PLCH1: variants seen among roughly 807,000 people sequenced by gnomAD.
PLCH1 encodes 1-phosphatidylinositol 4,5-bisphosphate phosphodiesterase eta-1.
PLCH1 carries 60 observed loss-of-function variants against 126.7 expected under a neutral mutation model. The ratio of observed to expected loss-of-function variants is 0.47; its 90% CI spans 0.38 to 0.59. The LOEUF (loss-of-function observed/expected upper bound fraction) is 0.59, where lower values mean the gene tolerates loss of function less well. PLCH1 is among the 20% of genes least tolerant of loss of function. The pLI, the probability that PLCH1 is intolerant of heterozygous loss-of-function variation, is 0.00. For synonymous variants in PLCH1, 719 were observed against 734.9 expected (o/e 0.98, Z 0.35); for missense variants, 1,723 against 2,040.0 (o/e 0.84, Z 2.99).
chr3:155,593,610 A>G (rs768500010), intron 4 of PLCH1, among the ~76,000 whole-genome samples: 48 of 152,202 alleles, frequency 3.2e-4, no homozygotes, highest in Non-Finnish European at 5.6e-4. Flanking sequence ...GAATATGCCT[A>G]TGATTTAAAA....
intron 1 of PLCH1, among the ~76,000 whole-genome samples, chr3:155,722,001 C>T (rs13078716): frequency 3.3e-5 from 5 of 151,958 alleles, no homozygotes; most frequent in African/African-American, 4.8e-5. Flanking sequence ...GAGCCGAGAT[C>T]GTGGCACTGC....
rs762573834 is a variant in PLCH1 at position 155,465,183 on chromosome 3, C to T, written c.2938+20173G>A. Among the ~76,000 whole-genome samples, 4 of 151,756 alleles carry T rather than the reference C, an allele frequency of 2.6e-5. No individual in the cohort carries two copies. In the South Asian group the frequency reaches 6.3e-4, roughly 24 times the overall value. On this transcript the variant is annotated intron_variant, in intron 21 of 21. Coordinates refer to the PLCH1 transcript ENST00000494598. ...TTGGTCTGATAAACCACCACTTTGT[C>T]CCAGTCATTTATCTTATGACTAGAT...
chr3:155,553,142 TCTCA>T (rs1383124523), intron 9 of PLCH1, among the ~76,000 whole-genome samples: 2 of 151,936 alleles, frequency 1.3e-5, no homozygotes, highest in Admixed American at 6.6e-5. Flanking sequence ...TGAGATGGAG[TCTCA>T]CTCTGTCACC....
intron 21 of PLCH1, among the ~76,000 whole-genome samples, chr3:155,470,256 G>T (rs1465843463): frequency 6.6e-6 from 1 of 152,176 alleles, no homozygotes. Flanking sequence ...TGAAAACCAA[G>T]GCTCGAGAAC....
chr3:155,699,822 T>TTGACCATTCACACA (rs1746125063), intron 2 of PLCH1, among the ~76,000 whole-genome samples: 1 of 147,680 alleles, frequency 6.8e-6, no homozygotes, highest in South Asian at 2.2e-4. Context: ...CTGTGACCAT[T>TTGACCATTCACACA]CACACACACA....
chr3:155,562,802 C>A (rs1482706945), intron 8 of PLCH1, among the ~76,000 whole-genome samples: 1 of 152,136 alleles, frequency 6.6e-6, no homozygotes, highest in Non-Finnish European at 1.5e-5. Flanking sequence ...CTCTTGTCCC[C>A]TTTATTCCAC....
intron 2 of PLCH1, among the ~76,000 whole-genome samples, chr3:155,661,858 T>C (rs1577268073): frequency 6.6e-6 from 1 of 152,216 alleles, no homozygotes; most frequent in East Asian, 1.9e-4. Flanking sequence ...TTAGTTTTCT[T>C]TTCTAAAGCT....
At chr3:155,630,861 C>G (rs928243758) in intron 2 of PLCH1, among the ~76,000 whole-genome samples, 54 of 151,980 alleles carry the variant, frequency 3.6e-4, no homozygotes, top group Non-Finnish European at 2.9e-4. Flanking sequence ...AAACTAGTAC[C>G]TAATATCCTA....
intron 1 of PLCH1, among the ~76,000 whole-genome samples, chr3:155,733,659 T>C (rs1748935062): frequency 1.3e-5 from 2 of 151,660 alleles, no homozygotes; most frequent in Admixed American, 6.6e-5. Flanking sequence ...CTCTGAGCAA[T>C]GATTTTTTGG....
At chr3:155,494,007 T>C (rs1423982766) in intron 17 of PLCH1, 134 bp downstream of exon 17, 1 of 653,418 alleles carries the variant, frequency 1.5e-6, no homozygotes, top group Non-Finnish European at 2.7e-6. Flanking sequence ...CCTTAACCTA[T>C]CTTTTTGAAA....
rs547450028 is a variant in PLCH1 at position 155,483,236 on chromosome 3, T to C, written c.2975-185A>G. On this transcript the variant is annotated intron_variant, in intron 22 of 22. Coordinates refer to ENST00000460012, the MANE Select transcript of PLCH1 (RefSeq NM_014996.4). Reference sequence around the variant, plus strand: ...TGATGAATAAATGGTAAAATATATTTATAGGAATTTCACTGGAGCTTCCCT... The same window carrying C: ...TGATGAATAAATGGTAAAATATATTCATAGGAATTTCACTGGAGCTTCCCT... 238 of 892,708 alleles carry C rather than the reference T, an allele frequency of 2.7e-4. No individual in the cohort carries two copies. In the East Asian group the frequency reaches 4.9e-3, roughly 19 times the overall value. The allele number at this position is 892,708 out of a possible 1,614,324, so 55.3% of individuals were successfully genotyped here.
chr3:155,488,167 G>A, intron 20 of PLCH1, 60 bp from the exon 21 acceptor site: 1 of 996,202 alleles, frequency 1.0e-6, no homozygotes, highest in South Asian at 1.3e-5. Context: ...CTTTCTCATG[G>A]GTGCAACAAA....
At chr3:155,743,402 G>A (rs1289378456) in intron 1 of PLCH1, 1 of 383,436 alleles carries the variant, frequency 2.6e-6, no homozygotes, top group East Asian at 7.5e-5. Context: ...CGTGGTGGCG[G>A]GAGCCTGTAA....
At chr3:155,476,706 C>T (rs1560035432), downstream of PLCH1, among the ~76,000 whole-genome samples, 1 of 150,964 alleles carries the variant, frequency 6.6e-6, no homozygotes, top group Non-Finnish European at 1.5e-5. Flanking sequence ...ACATATTAAG[C>T]TCTCTATAAT....
intron 2 of PLCH1, among the ~76,000 whole-genome samples, chr3:155,673,027 C>A (rs1743689624): frequency 6.7e-6 from 1 of 149,600 alleles, no homozygotes; most frequent in African/African-American, 2.5e-5. Context: ...ATTCTCTCCC[C>A]AGCTTAAAAC....
chr3:155,598,196 A>T (rs1037326288), intron 2 of PLCH1, among the ~76,000 whole-genome samples: 2 of 152,122 alleles, frequency 1.3e-5, no homozygotes, highest in African/African-American at 4.8e-5. Context: ...AAAAAAAAAA[A>T]TTACTTAAAA....
At chr3:155,724,469 A>G (rs922033595) in intron 1 of PLCH1, among the ~76,000 whole-genome samples, 1 of 152,110 alleles carries the variant, frequency 6.6e-6, no homozygotes, top group African/African-American at 2.4e-5. Flanking sequence ...TTCCTGTTGG[A>G]CTAATTCTTT....
chr3:155,730,023 T>C (rs1374447063), intron 1 of PLCH1, among the ~76,000 whole-genome samples: 1 of 152,058 alleles, frequency 6.6e-6, no homozygotes, highest in Non-Finnish European at 1.5e-5. Context: ...ATAAAAATTA[T>C]AGTTTTATAA....
intron 21 of PLCH1, among the ~76,000 whole-genome samples, chr3:155,455,035 T>C (rs76745644): frequency 0.044 from 6,737 of 152,312 alleles, 363 homozygotes; most frequent in African/African-American, 0.13. Context: ...CAAGAAAGGA[T>C]AAAACCAACT....
Sources: gnomAD v4.1 joint callset for allele counts (sites outside exome capture counted in the v4.1 genomes callset) on GRCh38, gnomAD v4.1.1 for gene constraint, MANE v1.5 for transcripts, NCBI Gene and HGNC (gene_info 2026-07-23, HGNC 2026-07-21) for gene names.